Variants in NELL1 observed in about 807,000 individuals in gnomAD.
NELL1 encodes neural EGFL like 1, also known as protein kinase C-binding protein NELL1.
A neutral mutation model predicts 107.4 loss-of-function variants in NELL1; 76 were observed. The ratio of observed to expected loss-of-function variants is 0.71; its 90% CI spans 0.59 to 0.86. The LOEUF (loss-of-function observed/expected upper bound fraction) is 0.86. NELL1 is among the 40% of genes least tolerant of loss of function. NELL1 has a pLI of 0.00. For synonymous variants in NELL1, 353 were observed against 341.2 expected, an observed-to-expected ratio of 1.03 and a Z score of -0.38; for missense variants, 1,024 against 1,005.5, an observed-to-expected ratio of 1.02 and a Z score of -0.25.
At chr11:20,750,179 C>T (rs144788659) in intron 2 of NELL1, among the ~76,000 whole-genome samples, 205 of 152,150 alleles carry the variant, frequency 1.3e-3, no homozygotes, top group East Asian at 3.9e-3. Context: ...TGTATTTCCC[C>T]GATGACTAAT....
At chr11:20,872,171 A>ATTT (rs549212186) in intron 4 of NELL1, among the ~76,000 whole-genome samples, 13,114 of 103,764 alleles carry the variant, frequency 0.13, 1,024 homozygotes, top group South Asian at 0.21. Context: ...TCTATCAGAG[A>ATTT]TTTTTTTTTT....
intron 12 of NELL1, among the ~76,000 whole-genome samples, chr11:20,970,765 AT>A (rs1354780485): frequency 6.7e-6 from 1 of 149,144 alleles, no homozygotes; most frequent in East Asian, 2.0e-4. Context: ...GGGGAAAAGC[AT>A]TTTGAATGTG....
chr11:20,910,233 G>A (rs2074613214), intron 5 of NELL1, among the ~76,000 whole-genome samples: 1 of 152,154 alleles, frequency 6.6e-6, no homozygotes, highest in South Asian at 2.1e-4. Context: ...ATGTTTCAAG[G>A]TAGAGTAGAT....
intron 12 of NELL1, among the ~76,000 whole-genome samples, chr11:21,060,492 A>G (rs1215510350): frequency 6.6e-6 from 1 of 152,158 alleles, no homozygotes; most frequent in Admixed American, 6.5e-5. Context: ...TTTCTATATA[A>G]CATTGCAACC....
intron 15 of NELL1, among the ~76,000 whole-genome samples, chr11:21,518,208 A>G (rs2133952394): frequency 6.6e-6 from 1 of 152,214 alleles, no homozygotes; most frequent in East Asian, 1.9e-4. Context: ...GAATTTGACA[A>G]AAGCTTTTTT....
intron 13 of NELL1, among the ~76,000 whole-genome samples, chr11:21,177,474 G>T (rs138791486): frequency 2.6e-5 from 4 of 151,848 alleles, no homozygotes; most frequent in African/African-American, 9.7e-5. Context: ...GTATTCTATT[G>T]TGTATATGTA....
Position 20,810,676 on chromosome 11 carries a change from A to G in NELL1, c.335+26846A>G, listed in dbSNP as rs543059187. Among the ~76,000 whole-genome samples, 12 of 152,264 alleles carry G rather than the reference A, an allele frequency of 7.9e-5. No homozygotes were observed. In the South Asian group the frequency reaches 2.3e-3, roughly 29 times the overall value. On this transcript the variant is annotated intron_variant, in intron 3 of 19. Coordinates refer to ENST00000357134, the MANE Select transcript of NELL1 (RefSeq NM_006157.5). ...AATTGCTAATTGTGCTGCTATAAAC[A>G]TGCATGTGCAAGTTTCTTTTTTGTA...
intron 14 of NELL1, among the ~76,000 whole-genome samples, chr11:21,266,178 A>G (rs1262524278): frequency 1.4e-5 from 2 of 142,326 alleles, no homozygotes; most frequent in Non-Finnish European, 3.2e-5. Context: ...GGCAGTTCGC[A>G]TTCCATTTAG....
At chr11:21,277,292 G>A (rs889385170) in intron 14 of NELL1, among the ~76,000 whole-genome samples, 1 of 152,018 alleles carries the variant, frequency 6.6e-6, no homozygotes, top group African/African-American at 2.4e-5. Flanking sequence ...AAAGACACAT[G>A]AAAAAATGCT....
intron 12 of NELL1, among the ~76,000 whole-genome samples, chr11:21,064,900 C>T (rs1318928219): frequency 6.6e-6 from 1 of 152,118 alleles, no homozygotes; most frequent in African/African-American, 2.4e-5. Context: ...CACTTTGATT[C>T]CTCAGCAATC....
chr11:21,551,114 G>C (rs1186155165), intron 16 of NELL1, among the ~76,000 whole-genome samples: 16 of 151,592 alleles, frequency 1.1e-4, no homozygotes, highest in African/African-American at 3.6e-4. Flanking sequence ...TTGTGAATGG[G>C]AGTTCACTCA....
chr11:21,411,081 T>G (rs1239516365), intron 15 of NELL1, among the ~76,000 whole-genome samples: 1 of 152,080 alleles, frequency 6.6e-6, no homozygotes, highest in African/African-American at 2.4e-5. Context: ...TTTTGAATCA[T>G]AACCTCAAGG....
chr11:21,158,207 G>T (rs1483857823), intron 13 of NELL1, among the ~76,000 whole-genome samples: 1 of 152,118 alleles, frequency 6.6e-6, no homozygotes, highest in Non-Finnish European at 1.5e-5. Flanking sequence ...GGCCTCTTGG[G>T]CCTTTGGCCA....
At chr11:21,173,547 C>T (rs1247284099) in intron 13 of NELL1, among the ~76,000 whole-genome samples, 2 of 151,796 alleles carry the variant, frequency 1.3e-5, no homozygotes, top group Admixed American at 1.3e-4. Context: ...CAGTGATAGC[C>T]TTCTTTCTTG....
At chr11:21,333,588 A>C (rs1488628063) in intron 14 of NELL1, among the ~76,000 whole-genome samples, 1 of 152,036 alleles carries the variant, frequency 6.6e-6, no homozygotes, top group African/African-American at 2.4e-5. Context: ...GTTTCATCAC[A>C]TGGTTCCCAT....
chr11:20,783,775 C>A lies in NELL1; in HGVS notation c.280C>A (p.Gln94Lys). ...TGAATTCACCATTTTGGCCACTGTA[C>A]AGCAGAAGCCATCCACTTCAGGAGT... The part of the protein sequence containing the change: ...KSEFTILATV[Q>K]QKPSTSGVIL... Residue 94 changes from glutamine to lysine, a missense_variant, in exon 3 of 20, where the codon CAG becomes AAG. By Grantham distance (53) the Gln-to-Lys change is moderately conservative. Transcript: ENST00000357134. 1.9e-6 allele frequency: 3 copies of A among 1,613,884 alleles called. No homozygotes were observed. Among genetic ancestry groups the A allele is most frequent in the Non-Finnish European group, 2.5e-6 (3 of 1,179,802 alleles).
At chr11:20,770,601 C>T (rs1856620547) in intron 2 of NELL1, among the ~76,000 whole-genome samples, 1 of 152,150 alleles carries the variant, frequency 6.6e-6, no homozygotes, top group South Asian at 2.1e-4. Flanking sequence ...GAGACCTCCT[C>T]AGCAGTGACT....
chr11:21,433,303 T>C (rs894167225), intron 15 of NELL1, among the ~76,000 whole-genome samples: 1 of 152,208 alleles, frequency 6.6e-6, no homozygotes, highest in Non-Finnish European at 1.5e-5. Flanking sequence ...GGTTATTACG[T>C]AATGGTGGCT....
intron 13 of NELL1, among the ~76,000 whole-genome samples, chr11:21,145,727 T>G (rs1054161622): frequency 6.6e-6 from 1 of 152,206 alleles, no homozygotes; most frequent in Non-Finnish European, 1.5e-5. Context: ...ACCTTTATAG[T>G]GAAACCTGCC....
Sources: allele counts gnomAD v4.1 joint callset (sites outside exome capture counted in the v4.1 genomes callset), GRCh38; gene constraint gnomAD v4.1.1; transcripts MANE v1.5; gene names NCBI Gene and HGNC (gene_info 2026-07-23, HGNC 2026-07-21).